The following OPRL1 variants were observed in gnomAD, a reference collection of about 807,000 sequenced individuals.
The protein encoded by OPRL1 is opioid related nociceptin receptor 1.
Under a neutral mutation model 15.5 loss-of-function variants are expected in OPRL1, and 5 were observed. The ratio of observed to expected loss-of-function variants is 0.32; its 90% CI spans 0.17 to 0.68. The LOEUF (loss-of-function observed/expected upper bound fraction) is 0.68, where lower values mean the gene tolerates loss of function less well. Among genes scored for constraint, OPRL1 ranks in the 30% least tolerant of loss-of-function variants. The pLI is 0.72. For missense variants in OPRL1, 406 were observed against 515.3 expected, an observed-to-expected ratio of 0.79 and a Z score of 2.05; for synonymous variants, 223 against 230.2, an observed-to-expected ratio of 0.97 and a Z score of 0.28.
rs918758456 is a variant in OPRL1 at position 64,093,003 on chromosome 20, A to G, written c.233+50A>G. On this transcript the variant is annotated intron_variant, in intron 3 of 4. Transcript: ENST00000336866. ...TCTGGTGAGTCCCACACGGCTGCAG[A>G]GGGGGAAACTGAGACGGGGTCTGTT... 3.3e-6 allele frequency: 5 copies of G among 1,517,144 alleles called. No individual in the cohort carries two copies. In the South Asian group the frequency reaches 5.7e-5, roughly 17 times the overall value. The allele number at this position is 1,517,144 out of a possible 1,614,324, so 94.0% of individuals were successfully genotyped here.
Position 64,098,006 on chromosome 20 carries a change from G to C in OPRL1, c.438G>C (p.Val146=), listed in dbSNP as rs779804257. 2.5e-6 allele frequency: 4 copies of C among 1,612,450 alleles called. No individual in the cohort carries two copies. The highest frequency in any genetic ancestry group is 2.5e-6 in the Non-Finnish European group (3 of 1,179,634). The part of the protein sequence containing the change: ...TSTFTLTAMS[V]DRYVAICHPI... ...CCTTCACCCTAACTGCCATGAGTGT[G>C]GATCGCTATGTAGCCATCTGCCACC... The change falls in exon 4 of 5, where the codon GTG becomes GTC. Residue 146 remains valine (V), a synonymous_variant. Coordinates refer to ENST00000336866, the MANE Select transcript of OPRL1 (RefSeq NM_182647.4).
rs564973547 is a variant in OPRL1 at position 64,098,503 on chromosome 20, G to A, written c.817G>A (p.Val273Met). Residue 273 changes from valine to methionine, a missense_variant, in exon 5 of 5, where the codon GTG becomes ATG. Val to Met is a conservative substitution (Grantham distance 21, BLOSUM62 1). Transcript: ENST00000336866. ...GGTGCTGGTGGTAGTGGCTGTGTTC[G>A]TGGGCTGCTGGACGCCTGTCCAGGT... ...RLVLVVVAVF[V>M]GCWTPVQVFV... is the part of the protein sequence containing the mutation. The A allele has an allele frequency of 5.0e-6, 8 of 1,612,948 alleles. 1 individual carries two copies. In the East Asian group the frequency reaches 6.7e-5, roughly 13 times the overall value.
chr20:64,083,163 C>T lies in OPRL1; in HGVS notation c.-185+2811C>T, dbSNP rs2059987271. 6.6e-6 allele frequency among the ~76,000 whole-genome samples: 1 copy of T among 152,200 alleles called. No individual in the cohort carries two copies. Among genetic ancestry groups the T allele is most frequent in the Non-Finnish European group, 1.5e-5 (1 of 68,032 alleles). ...GGGGGCCTCCCATAGACCCACAGAA[C>T]GCCAGGTTGCCAGTGGGGGGCAGAT... On this transcript the variant is annotated intron_variant, in intron 1 of 4. Coordinates refer to ENST00000336866, the MANE Select transcript of OPRL1 (RefSeq NM_182647.4). The surrounding 1 kb of genome is among the most constrained non-coding windows in gnomAD (Gnocchi z 4.9).
chr20:64,098,214 T>C, intron 4 of OPRL1, 57 bp downstream of exon 4: 1 of 1,603,866 alleles, frequency 6.2e-7, no homozygotes, highest in South Asian at 1.1e-5. Flanking sequence ...GGGTGGCTCC[T>C]CTGGGCCCAC....
In OPRL1 at chr20:64,083,567, C is replaced by G; in HGVS notation, c.-185+3215C>G. On this transcript the variant is annotated intron_variant, in intron 1 of 4. Coordinates refer to ENST00000336866, the MANE Select transcript of OPRL1 (RefSeq NM_182647.4). This position sits in a 1 kb window ranked among gnomAD's most constrained non-coding sequence, Gnocchi z 4.9. ...GCCCCTCCCCTTTCCCCGCCCCTAC[C>G]GGGGCTTGTCTGCACCTCTTGGCGG... The G allele has an allele frequency of 6.6e-7, 1 of 1,525,710 alleles. No homozygotes were observed. Among genetic ancestry groups the G allele is most frequent in the Non-Finnish European group, 8.8e-7 (1 of 1,136,284 alleles). The allele number at this position is 1,525,710 out of a possible 1,614,324, so 94.5% of individuals were successfully genotyped here.
In OPRL1 at chr20:64,098,160, C is replaced by T; in HGVS notation, c.589+3C>T. The T allele has an allele frequency of 6.2e-7, 1 of 1,611,654 alleles. No individual in the cohort carries two copies. The highest frequency in any genetic ancestry group is 1.1e-5 in the South Asian group (1 of 91,050). ...CTCGGCACAGGTCGAGGATGAAGGT[C>T]AGTGGGGTGTCCCCTCCTCCCCTCA... On this transcript the variant is annotated splice_donor_region_variant and intron_variant, in intron 4 of 4. Transcript: ENST00000336866.
At position 64,083,448 on chromosome 20, in the gene OPRL1, A is replaced by T; in HGVS notation, c.-185+3096A>T. 6.2e-7 allele frequency: 1 copy of T among 1,610,442 alleles called. No individual in the cohort carries two copies. Among genetic ancestry groups the T allele is most frequent in the African/African-American group, 1.3e-5 (1 of 74,906 alleles). The stretch of plus-strand genomic sequence containing the variant: ...TCTCAGTCGCCGTCACCGCGGGAAG[A>T]TGGTGCCATCCACGTTCTCCTCCAG... On this transcript the variant is annotated intron_variant, in intron 1 of 4. Coordinates refer to ENST00000336866, the MANE Select transcript of OPRL1 (RefSeq NM_182647.4). This position sits in a 1 kb window ranked among gnomAD's most constrained non-coding sequence, Gnocchi z 4.9.
Position 64,099,699 on chromosome 20 carries a change from C to A in OPRL1, c.*900C>A, listed in dbSNP as rs1031767280. The A allele has an allele frequency of 2.6e-5, 4 of 152,300 alleles. No homozygotes were observed. The highest frequency in any genetic ancestry group is 5.9e-5 in the Non-Finnish European group (4 of 68,156). 9.4% of individuals were successfully genotyped at this position (152,300 alleles called of 1,614,324 possible). ...CTGCTTCTCAGTGTGGGGCAGGTGT[C>A]TCAGGACGAAGGCGCCGCGTGACCA... is the stretch of plus-strand genomic sequence containing the variant. On this transcript the variant is annotated 3_prime_UTR_variant, in exon 5 of 5. Transcript: ENST00000336866.
rs949755732 is a variant in OPRL1 at position 64,090,425 on chromosome 20, A to C, written c.-184-1541A>C. On this transcript the variant is annotated intron_variant, in intron 1 of 4. Transcript: ENST00000336866. The surrounding 1 kb of genome is among the most constrained non-coding windows in gnomAD (Gnocchi z 4.9). Reference sequence around the variant, plus strand: ...CTGTTCCGTCCTCTCCTGATTTGCCAGGTATCCTAGCAACGCTGCTGCCAG... The same window carrying C: ...CTGTTCCGTCCTCTCCTGATTTGCCCGGTATCCTAGCAACGCTGCTGCCAG... Among the ~76,000 whole-genome samples, 1 of 152,210 alleles carries C rather than the reference A, an allele frequency of 6.6e-6. No individual in the cohort carries two copies. Among genetic ancestry groups the C allele is most frequent in the Non-Finnish European group, 1.5e-5 (1 of 68,030 alleles).
At chr20:64,098,201 C>T (rs1979413827) in intron 4 of OPRL1, 44 bp downstream of exon 4, 1 of 1,604,642 alleles carries the variant, frequency 6.2e-7, no homozygotes, top group Non-Finnish European at 8.5e-7. Flanking sequence ...CTCCCTGGCT[C>T]CCGGGTGGCT....
rs576600128 is a variant in OPRL1 at position 64,089,537 on chromosome 20, C to G, written c.-184-2429C>G. ...CCATCCTTCCTTACCCATCCTCTCT[C>G]TTGATCTCTCCATACTTCCTCCCCA... On this transcript the variant is annotated intron_variant, in intron 1 of 4. Coordinates refer to ENST00000336866, the MANE Select transcript of OPRL1 (RefSeq NM_182647.4). The surrounding 1 kb of genome is among the most constrained non-coding windows in gnomAD (Gnocchi z 5.5). Among the ~76,000 whole-genome samples, 1 of 152,152 alleles carries G rather than the reference C, an allele frequency of 6.6e-6. No homozygotes were observed. The highest frequency in any genetic ancestry group is 6.5e-5 in the Admixed American group (1 of 15,282).
intron 1 of OPRL1, chr20:64,084,917 G>A (rs6512305): frequency 0.49 from 74,324 of 151,956 alleles, 18,365 homozygotes; most frequent in East Asian, 0.59. Flanking sequence ...TACACCCCCT[G>A]CTTGCTGCCT....
rs1172019008 is a variant in OPRL1 at position 64,098,147 on chromosome 20, C to T, written c.579C>T (p.Val193=). 4 of 1,612,900 alleles carry T rather than the reference C, an allele frequency of 2.5e-6. No homozygotes were observed. The highest frequency in any genetic ancestry group is 2.2e-5 in the East Asian group (1 of 44,858). Residue 193 remains valine (V), a synonymous_variant, in exon 4 of 5, where the codon GTC becomes GTT. Transcript: ENST00000336866. The part of the protein sequence containing the change: ...VPVAIMGSAQ[V]EDEEIECLVE... Reference sequence around the variant, plus strand: ...TTGCCATCATGGGCTCGGCACAGGTCGAGGATGAAGGTCAGTGGGGTGTCC... The same window carrying T: ...TTGCCATCATGGGCTCGGCACAGGTTGAGGATGAAGGTCAGTGGGGTGTCC...
chr20:64,083,682 G>A lies in OPRL1; in HGVS notation c.-185+3330G>A. Reference sequence around the variant, plus strand: ...CGGCGCGCGCGGACTTCTGCCGCTGGATGAGCAGCGCGATCTCCTCGGCCT... The same window carrying A: ...CGGCGCGCGCGGACTTCTGCCGCTGAATGAGCAGCGCGATCTCCTCGGCCT... On this transcript the variant is annotated intron_variant, in intron 1 of 4. Transcript: ENST00000336866. This position sits in a 1 kb window ranked among gnomAD's most constrained non-coding sequence, Gnocchi z 4.9. The A allele has an allele frequency of 7.0e-7, 1 of 1,422,732 alleles. No individual in the cohort carries two copies. The highest frequency in any genetic ancestry group is 9.1e-7 in the Non-Finnish European group (1 of 1,095,808). 88.1% of individuals were successfully genotyped at this position (1,422,732 alleles called of 1,614,324 possible).
At chr20:64,088,693 G>A (rs199794862) in intron 1 of OPRL1, among the ~76,000 whole-genome samples, 184 of 115,258 alleles carry the variant, frequency 1.6e-3, no homozygotes, top group Middle Eastern at 0.011. Flanking sequence ...GATCTGTGCA[G>A]GGAGGCCAGG....
At chr20:64,091,294 C>A (rs2060113948) in intron 1 of OPRL1, among the ~76,000 whole-genome samples, 1 of 144,578 alleles carries the variant, frequency 6.9e-6, no homozygotes, top group Non-Finnish European at 1.5e-5. Flanking sequence ...TGATCTGGGG[C>A]CCAGCTGTGG....
chr20:64,095,228 TG>T (rs1228612926), intron 3 of OPRL1, among the ~76,000 whole-genome samples: 5 of 22,876 alleles, frequency 2.2e-4, no homozygotes, highest in African/African-American at 1.0e-3. Flanking sequence ...TGGGGGGAGC[TG>T]GGGGGATAGT....
In OPRL1 at chr20:64,089,649, G is replaced by A. The variant is rs371142064; in HGVS notation, c.-184-2317G>A. Among the ~76,000 whole-genome samples, 383 of 152,274 alleles carry A rather than the reference G, an allele frequency of 2.5e-3. 21 individuals carry two copies. In the South Asian group the frequency reaches 0.072, roughly 29 times the overall value. On this transcript the variant is annotated intron_variant, in intron 1 of 4. Coordinates refer to ENST00000336866, the MANE Select transcript of OPRL1 (RefSeq NM_182647.4). The surrounding 1 kb of genome is among the most constrained non-coding windows in gnomAD (Gnocchi z 5.5). ...GGGAGGAAGCTGTGGGGTGACCCAGGTGGAAGACAGACATGCGAAGGGAGA... is the reference window on the plus strand; with the variant it reads ...GGGAGGAAGCTGTGGGGTGACCCAGATGGAAGACAGACATGCGAAGGGAGA...
intron 2 of OPRL1, 90 bp from the exon 3 acceptor site, chr20:64,092,598 G>A: frequency 1.0e-6 from 1 of 970,288 alleles, no homozygotes; most frequent in African/African-American, 1.6e-5. Context: ...GGGGGTCCAT[G>A]TGCCTGCTGG....
Sources: allele counts gnomAD v4.1 joint callset (sites outside exome capture counted in the v4.1 genomes callset), GRCh38; gene constraint gnomAD v4.1.1; non-coding constraint Gnocchi (gnomAD v3.1); transcripts MANE v1.5; gene names NCBI Gene and HGNC (gene_info 2026-07-23, HGNC 2026-07-21).